NOX4: variants seen among roughly 807,000 people sequenced by gnomAD.
NOX4 encodes NADPH oxidase 4.
In NOX4, 69 loss-of-function variants were observed where a neutral mutation model predicts 87.6. That is an observed-to-expected ratio of 0.79 (90% CI 0.65 to 0.96). NOX4 has a LOEUF of 0.96. NOX4 is among the 40% of genes least tolerant of loss of function. NOX4 has a pLI of 0.00. For synonymous variants in NOX4, 275 were observed against 238.2 expected, an observed-to-expected ratio of 1.15 and a Z score of -1.42; for missense variants, 680 against 681.5, an observed-to-expected ratio of 1.00 and a Z score of 0.02.
At chr11:89,482,622 C>A (rs187131318) in intron 2 of NOX4, among the ~76,000 whole-genome samples, 4 of 152,148 alleles carry the variant, frequency 2.6e-5, no homozygotes, top group African/African-American at 4.8e-5. Flanking sequence ...GAAGAAATTT[C>A]TTTCCTTTAA....
chr11:89,484,519 T>A (rs1365159427), intron 2 of NOX4, among the ~76,000 whole-genome samples: 1 of 152,110 alleles, frequency 6.6e-6, no homozygotes, highest in Non-Finnish European at 1.5e-5. Context: ...TTGCGTGTGT[T>A]CATACAGCTG....
the NOX4 span, among the ~76,000 whole-genome samples, chr11:89,566,475 A>G: frequency 6.6e-6 from 1 of 152,150 alleles, no homozygotes; most frequent in Non-Finnish European, 1.5e-5. Context: ...GTTCTCTTGA[A>G]TATTTGGTAG....
intron 11 of NOX4, among the ~76,000 whole-genome samples, chr11:89,383,676 A>G (rs1231084267): frequency 6.6e-6 from 1 of 152,110 alleles, no homozygotes; most frequent in African/African-American, 2.4e-5. Context: ...CTCTGATGCC[A>G]ACTTGGACAA....
At chr11:89,500,198 T>C (rs1384327139), upstream of NOX4, among the ~76,000 whole-genome samples, 1 of 152,152 alleles carries the variant, frequency 6.6e-6, no homozygotes, top group African/African-American at 2.4e-5. Context: ...CTATTGAAAT[T>C]TTTGGTTAAG....
At chr11:89,519,829 C>T in the NOX4 span, among the ~76,000 whole-genome samples, 1 of 152,062 alleles carries the variant, frequency 6.6e-6, no homozygotes, top group Admixed American at 6.6e-5. Context: ...TCTTGACTTT[C>T]ATTATCTCTG....
intron 11 of NOX4, among the ~76,000 whole-genome samples, chr11:89,393,035 C>T (rs1941232659): frequency 6.6e-6 from 1 of 152,132 alleles, no homozygotes; most frequent in African/African-American, 2.4e-5. Context: ...CTCTAAAGTG[C>T]TGAAGACCTT....
chr11:89,384,936 C>T (rs1351844790), intron 11 of NOX4, among the ~76,000 whole-genome samples: 1 of 152,126 alleles, frequency 6.6e-6, no homozygotes. Context: ...TTTCCTCTTC[C>T]TCACGCTGAT....
intron 6 of NOX4, among the ~76,000 whole-genome samples, chr11:89,435,952 A>G (rs935697211): frequency 6.6e-6 from 1 of 152,188 alleles, no homozygotes; most frequent in Non-Finnish European, 1.5e-5. Flanking sequence ...TTTCAGATCA[A>G]TGAAGAAGAA....
the NOX4 span, among the ~76,000 whole-genome samples, chr11:89,505,048 A>C: frequency 6.6e-6 from 1 of 151,942 alleles, no homozygotes; most frequent in Non-Finnish European, 1.5e-5. Flanking sequence ...TAAGTGTAGG[A>C]ATTTCTGCTT....
chr11:89,481,301 C>T (rs1231714897), intron 2 of NOX4, among the ~76,000 whole-genome samples: 19 of 151,540 alleles, frequency 1.3e-4, no homozygotes, highest in Non-Finnish European at 2.9e-5. Flanking sequence ...TACAATATTA[C>T]CATTTGGTTC....
At chr11:89,579,255 A>C in the NOX4 span, among the ~76,000 whole-genome samples, 1 of 152,172 alleles carries the variant, frequency 6.6e-6, no homozygotes, top group East Asian at 1.9e-4. Flanking sequence ...TTTATCAAAA[A>C]CTCATAGAAT....
intron 11 of NOX4, among the ~76,000 whole-genome samples, chr11:89,399,058 GT>G (rs1941668352): frequency 6.6e-6 from 1 of 151,838 alleles, no homozygotes; most frequent in African/African-American, 2.4e-5. Flanking sequence ...ATTTTTTTAA[GT>G]TTGTATTTTA....
intron 17 of NOX4, 31 bp from the exon 18 acceptor site, chr11:89,326,907 A>C: frequency 1.2e-6 from 2 of 1,611,048 alleles, no homozygotes; most frequent in Non-Finnish European, 1.7e-6. Flanking sequence ...ATGGAAAATC[A>C]GGTGTAAAAT....
the NOX4 span, among the ~76,000 whole-genome samples, chr11:89,554,951 A>T: frequency 2.0e-5 from 3 of 152,162 alleles, no homozygotes; most frequent in African/African-American, 7.2e-5. Context: ...AAATAATTTG[A>T]TGAGAAATAC....
the NOX4 span, among the ~76,000 whole-genome samples, chr11:89,536,075 AT>A: frequency 6.8e-6 from 1 of 147,180 alleles, no homozygotes; most frequent in Non-Finnish European, 1.5e-5. Flanking sequence ...CCTTTGGTAG[AT>A]CCCTGTCACC....
upstream of NOX4, among the ~76,000 whole-genome samples, chr11:89,491,727 T>TACACACACACAC (rs66820323): frequency 1.6e-3 from 219 of 140,744 alleles, 1 homozygote; most frequent in African/African-American, 5.8e-3. Flanking sequence ...CGCCCCCTTG[T>TACACACACACAC]ACACACACAC....
Position 89,449,476 on chromosome 11 carries a change from G to A in NOX4, c.313C>T (p.His105Tyr). ...RRLLDKSRTF[H>Y]ITCGVTICIF... Reference sequence around the variant, plus strand: ...CAGATAGTAACACCACAGGTAATATGGAATGTTCTGCTTTTATCCAACAAT... The same window carrying A: ...CAGATAGTAACACCACAGGTAATATAGAATGTTCTGCTTTTATCCAACAAT... The change falls in exon 4 of 18, where the codon CAT becomes TAT. Residue 105 changes from histidine (H) to tyrosine (Y), a missense_variant. His to Tyr is a moderately conservative substitution (Grantham distance 83). Coordinates refer to ENST00000263317, the MANE Select transcript of NOX4 (RefSeq NM_016931.5). 6.2e-7 allele frequency: 1 copy of A among 1,611,758 alleles called. No individual in the cohort carries two copies. The highest frequency in any genetic ancestry group is 1.1e-5 in the South Asian group (1 of 90,834).
intron 11 of NOX4, among the ~76,000 whole-genome samples, chr11:89,391,597 T>C (rs564354112): frequency 1.3e-5 from 2 of 151,762 alleles, no homozygotes; most frequent in East Asian, 3.9e-4. Context: ...CTCTACACAA[T>C]TTTTTAAAAA....
rs751606277 is a variant in NOX4, at chr11:89,326,871, G to GC, written c.1621_1622insG (p.Thr541SerfsTer18). 3 of 1,612,606 alleles carry GC rather than the reference G, an allele frequency of 1.9e-6. No individual in the cohort carries two copies. In the African/African-American group the frequency reaches 4.0e-5, roughly 22 times the overall value. On this transcript the variant is annotated frameshift_variant, in exon 18 of 18. Transcript: ENST00000263317. LOFTEE classifies it high-confidence loss of function. ...GGGTCCACAACAGAAAACACCAACT[G>GC]TTTTTCTAGAACAAGAGCAGAGAAA...
Sources: gnomAD v4.1 joint callset for allele counts (sites outside exome capture counted in the v4.1 genomes callset) on GRCh38, gnomAD v4.1.1 for gene constraint, MANE v1.5 for transcripts, NCBI Gene and HGNC (gene_info 2026-07-23, HGNC 2026-07-21) for gene names.